Variants in HOOK1 observed in about 807,000 individuals in gnomAD.
The protein encoded by HOOK1 is hook microtubule tethering protein 1.
A neutral mutation model predicts 112.8 loss-of-function variants in HOOK1; 60 were observed. The observed-to-expected ratio is 0.53, with a 90% CI of 0.43 to 0.66. The LOEUF is 0.66. HOOK1 is among the 30% of genes least tolerant of loss of function. The pLI is 0.00. For missense variants in HOOK1, 770 were observed against 856.0 expected (o/e 0.90, Z 1.25); for synonymous variants, 294 against 283.8 (o/e 1.04, Z -0.36).
intron 3 of HOOK1, 140 bp downstream of exon 3, chr1:59,828,992 C>T (rs575854327): frequency 1.9e-5 from 12 of 617,350 alleles, no homozygotes; most frequent in Middle Eastern, 2.7e-4. Flanking sequence ...TGTATTCTCT[C>T]ATGTAACTAC....
intron 2 of HOOK1, among the ~76,000 whole-genome samples, chr1:59,826,760 C>T (rs2098390246): frequency 6.6e-6 from 1 of 152,090 alleles, no homozygotes; most frequent in Non-Finnish European, 1.5e-5. Flanking sequence ...CACACACATG[C>T]AGATTCTTTT....
intron 5 of HOOK1, 106 bp downstream of exon 5, chr1:59,833,643 C>T: frequency 1.1e-6 from 1 of 936,814 alleles, no homozygotes. Context: ...AGAAAGCACC[C>T]TGAAACGTAA....
At chr1:59,830,691 G>A (rs2098393263) in intron 3 of HOOK1, among the ~76,000 whole-genome samples, 2 of 151,922 alleles carry the variant, frequency 1.3e-5, no homozygotes. Flanking sequence ...TTACATTCAT[G>A]TTTTTGTTCA....
At chr1:59,866,094 C>T (rs1350205395) in intron 19 of HOOK1, 122 bp downstream of exon 19, 3 of 625,270 alleles carry the variant, frequency 4.8e-6, no homozygotes, top group South Asian at 3.6e-5. Context: ...AACTGTATTG[C>T]CTTACCTGTC....
At chr1:59,823,757 A>G (rs2098387693) in intron 2 of HOOK1, among the ~76,000 whole-genome samples, 1 of 152,202 alleles carries the variant, frequency 6.6e-6, no homozygotes. Context: ...ATTTTTCCAC[A>G]GTCTGTTGGA....
At chr1:59,843,993 T>C (rs1303095543) in intron 9 of HOOK1, among the ~76,000 whole-genome samples, 1 of 152,030 alleles carries the variant, frequency 6.6e-6, no homozygotes, top group Non-Finnish European at 1.5e-5. Context: ...TGTATATTTC[T>C]TTAACAAAGT....
rs182122847 is a variant in HOOK1, at chr1:59,873,125, G to A, written c.*160G>A. ...ATGCATCAAATTAATTTTGCCAGTTGACTTTAAAAACAAATTATAGAATTA... is the reference window on the plus strand; with the variant it reads ...ATGCATCAAATTAATTTTGCCAGTTAACTTTAAAAACAAATTATAGAATTA... On this transcript the variant is annotated 3_prime_UTR_variant, in exon 22 of 22. Coordinates refer to ENST00000371208, the MANE Select transcript of HOOK1 (RefSeq NM_015888.6). 2 of 555,640 alleles carry A rather than the reference G, an allele frequency of 3.6e-6. No individual in the cohort carries two copies. The highest frequency in any genetic ancestry group is 1.9e-5 in the African/African-American group (1 of 51,654). 34.4% of individuals were successfully genotyped at this position (555,640 alleles called of 1,614,324 possible). A position where few individuals can be genotyped will look rare whatever the true frequency, so the allele number is the denominator to read the frequency against.
chr1:59,854,175 C>T (rs143514711), intron 12 of HOOK1, among the ~76,000 whole-genome samples: 11,877 of 148,016 alleles, frequency 0.08, 504 homozygotes, highest in African/African-American at 0.13. Context: ...CGTGAGCCTC[C>T]TGAGTAGCTG....
intron 2 of HOOK1, among the ~76,000 whole-genome samples, chr1:59,827,284 A>G (rs532553181): frequency 6.6e-6 from 1 of 152,274 alleles, no homozygotes; most frequent in East Asian, 1.9e-4. Context: ...AGTTTGCTTT[A>G]TTCAAAGTCT....
intron 12 of HOOK1, among the ~76,000 whole-genome samples, chr1:59,853,819 A>G (rs2098408561): frequency 6.6e-6 from 1 of 151,340 alleles, no homozygotes; most frequent in Non-Finnish European, 1.5e-5. Context: ...GTAAATGGTA[A>G]ACCTAATTTC....
At chr1:59,818,207 T>A (rs2098382974) in intron 1 of HOOK1, among the ~76,000 whole-genome samples, 1 of 152,154 alleles carries the variant, frequency 6.6e-6, no homozygotes. Flanking sequence ...CACACACATT[T>A]GTCATGATAA....
At chr1:59,821,387 G>A (rs2098385503) in intron 1 of HOOK1, among the ~76,000 whole-genome samples, 2 of 152,178 alleles carry the variant, frequency 1.3e-5, no homozygotes. Context: ...GGAAACAGAA[G>A]TCCTGTCTTA....
Position 59,872,948 on chromosome 1 carries a change from G to T in HOOK1, c.2170G>T (p.Ala724Ser), listed in dbSNP as rs1644081447. 2 of 1,494,736 alleles carry T rather than the reference G, an allele frequency of 1.3e-6. No individual in the cohort carries two copies. The highest frequency in any genetic ancestry group is 2.8e-5 in the African/African-American group (2 of 71,330). The allele number at this position is 1,494,736 out of a possible 1,614,324, so 92.6% of individuals were successfully genotyped here. Reference sequence around the variant, plus strand: ...AAGAAATCTCTCTGTTAAAGTCCCTGCTACAACATCTGATTAAACTGCAAA... The same window carrying T: ...AAGAAATCTCTCTGTTAAAGTCCCTTCTACAACATCTGATTAAACTGCAAA... Reference protein sequence around the residue: ...TRRNLSVKVPATTSD With the variant: ...TRRNLSVKVPSTTSD The change falls in exon 22 of 22, where the codon GCT becomes TCT. Residue 724 changes from alanine (A) to serine (S), a missense_variant. This residue lies in a region of HOOK1 where 111 missense variants were observed against 111.8 expected (regional missense o/e 0.99). Transcript: ENST00000371208.
intron 7 of HOOK1, 77 bp from the exon 8 acceptor site, chr1:59,840,231 G>C (rs2098400343): frequency 1.1e-6 from 1 of 881,730 alleles, no homozygotes; most frequent in Non-Finnish European, 1.7e-6. Flanking sequence ...TGTGTTGTGA[G>C]AAGAGTATAT....
intron 2 of HOOK1, among the ~76,000 whole-genome samples, chr1:59,823,183 G>A (rs1267289691): frequency 2.0e-5 from 3 of 152,162 alleles, no homozygotes; most frequent in Non-Finnish European, 4.4e-5. Context: ...AGCCAGGCAT[G>A]GTGGCGGGCG....
chr1:59,876,182 C>G lies in HOOK1; in HGVS notation c.*3217C>G, dbSNP rs1171635361. The stretch of plus-strand genomic sequence containing the variant: ...TGTGGAGTTATTAAATGATGTAGCA[C>G]AAATGTAATGTTTAGCTTATAAAAG... On this transcript the variant is annotated 3_prime_UTR_variant, in exon 22 of 22. Transcript: ENST00000371208. 6 of 152,548 alleles carry G rather than the reference C, an allele frequency of 3.9e-5. No homozygotes were observed. Among genetic ancestry groups the G allele is most frequent in the Non-Finnish European group, 7.3e-5 (5 of 68,030 alleles). 9.4% of individuals were successfully genotyped at this position (152,548 alleles called of 1,614,324 possible).
At chr1:59,864,296 A>C (rs893061188) in intron 16 of HOOK1, among the ~76,000 whole-genome samples, 4 of 151,922 alleles carry the variant, frequency 2.6e-5, no homozygotes, top group Non-Finnish European at 5.9e-5. Context: ...AAAATATTTT[A>C]ATGTTTGATA....
intron 1 of HOOK1, 52 bp downstream of exon 1, chr1:59,815,232 G>C (rs1447276021): frequency 2.7e-6 from 4 of 1,507,108 alleles, no homozygotes; most frequent in East Asian, 5.0e-5. Flanking sequence ...GAGGCGAGGA[G>C]CCTGGGGCGC....
rs749111794 is a variant in HOOK1, at chr1:59,843,413, A to T, written c.622-19A>T. ...GTTTTTTTTCTACTGGTGCTTATGT[A>T]TGTGTATTTGTTTCTTAGGTGACTA... is the stretch of plus-strand genomic sequence containing the variant. On this transcript the variant is annotated intron_variant, in intron 8 of 21. Coordinates refer to ENST00000371208, the MANE Select transcript of HOOK1 (RefSeq NM_015888.6). The T allele has an allele frequency of 1.4e-5, 22 of 1,562,730 alleles. No homozygotes were observed. In the African/African-American group the frequency reaches 2.9e-4, roughly 21 times the overall value.
Sources: allele counts gnomAD v4.1 joint callset (sites outside exome capture counted in the v4.1 genomes callset), GRCh38; gene constraint gnomAD v4.1.1; regional missense constraint gnomAD v4.1.1; transcripts MANE v1.5; gene names NCBI Gene and HGNC (gene_info 2026-07-23, HGNC 2026-07-21).